ROR2: variants seen among roughly 807,000 people sequenced by gnomAD.
ROR2 encodes tyrosine-protein kinase transmembrane receptor ROR2.
ROR2 carries 33 observed loss-of-function variants against 74.9 expected under a neutral mutation model. The observed-to-expected ratio is 0.44, with a 90% confidence interval of 0.33 to 0.59. The LOEUF (loss-of-function observed/expected upper bound fraction) is 0.59, where lower values mean the gene tolerates loss of function less well. ROR2 is among the 20% of genes least tolerant of loss of function. The pLI is 0.02. For synonymous variants in ROR2, 586 were observed against 558.7 expected (o/e 1.05, Z -0.69); for missense variants, 1,216 against 1,313.8 (o/e 0.93, Z 1.15).
At position 91,725,045 on chromosome 9, in the gene ROR2, C is replaced by T; in HGVS notation, c.1449G>A (p.Arg483=). 1 of 1,614,082 alleles carries T rather than the reference C, an allele frequency of 6.2e-7. No homozygotes were observed. Among genetic ancestry groups the T allele is most frequent in the Admixed American group, 1.7e-5 (1 of 60,034 alleles). ...GGTGACCTTTGTAGACTTTCCCAAA[C>T]CGGTCCTCTCCCAGCTCCTCCATGA... ...VRFMEELGED[R]FGKVYKGHLF... The change falls in exon 9 of 9, where the codon CGG becomes CGA. Residue 483 remains arginine (R), a synonymous_variant. Transcript: ENST00000375708.
intron 1 of ROR2, among the ~76,000 whole-genome samples, chr9:91,829,922 A>C (rs1828411068): frequency 6.6e-6 from 1 of 152,234 alleles, no homozygotes; most frequent in African/African-American, 2.4e-5. Flanking sequence ...TGAGTAAAAA[A>C]TCTACTCATT....
intron 1 of ROR2, among the ~76,000 whole-genome samples, chr9:91,882,921 A>T (rs1587817752): frequency 6.6e-6 from 1 of 152,348 alleles, no homozygotes; most frequent in East Asian, 1.9e-4. Flanking sequence ...TTGTTTCAGC[A>T]GCCCAGCCTG....
chr9:91,890,604 G>T (rs1406434920), intron 1 of ROR2, among the ~76,000 whole-genome samples: 1 of 152,152 alleles, frequency 6.6e-6, no homozygotes, highest in Non-Finnish European at 1.5e-5. Flanking sequence ...TTAACATGTG[G>T]CCACCTTGCT....
intron 1 of ROR2, among the ~76,000 whole-genome samples, chr9:91,883,042 G>C (rs1044352523): frequency 2.6e-5 from 4 of 152,182 alleles, no homozygotes; most frequent in African/African-American, 9.7e-5. Flanking sequence ...GAACATTTCA[G>C]AGTGCCAACA....
At chr9:91,833,265 C>T (rs1003416859) in intron 1 of ROR2, among the ~76,000 whole-genome samples, 8 of 152,132 alleles carry the variant, frequency 5.3e-5, no homozygotes, top group Non-Finnish European at 1.2e-4. Context: ...CGGATGCTCC[C>T]GACGCATCCA....
intron 1 of ROR2, among the ~76,000 whole-genome samples, chr9:91,909,429 C>G (rs1830896950): frequency 6.6e-6 from 1 of 152,130 alleles, no homozygotes. Context: ...GGCCTACAGC[C>G]TCAACCTCCT....
At chr9:91,890,503 C>T (rs1381983420) in intron 1 of ROR2, among the ~76,000 whole-genome samples, 1 of 152,194 alleles carries the variant, frequency 6.6e-6, no homozygotes, top group Admixed American at 6.5e-5. Context: ...TGCTGTACTC[C>T]TTATTAAACT....
rs965800377 is a variant in ROR2, at chr9:91,819,276, C to G, written c.98-43458G>C. On this transcript the variant is annotated intron_variant, in intron 1 of 8. Coordinates refer to ENST00000375708, the MANE Select transcript of ROR2 (RefSeq NM_004560.4). ...TCACTGAGCTGCTGACCCCCACCCCCAGGCTCCTAGCAGAGCTGTCGCTGC... is the reference window on the plus strand; with the variant it reads ...TCACTGAGCTGCTGACCCCCACCCCGAGGCTCCTAGCAGAGCTGTCGCTGC... Among the ~76,000 whole-genome samples, 3 of 152,242 alleles carry G rather than the reference C, an allele frequency of 2.0e-5. 1 individual carries two copies. Among genetic ancestry groups the G allele is most frequent in the Admixed American group, 1.3e-4 (2 of 15,292 alleles).
At position 91,917,255 on chromosome 9, in the gene ROR2, T is replaced by C. The variant is rs138385347; in HGVS notation, c.97+32612A>G. 4.0e-3 allele frequency among the ~76,000 whole-genome samples: 605 copies of C among 152,264 alleles called. 4 individuals carry two copies. Among genetic ancestry groups the C allele is most frequent in the African/African-American group, 0.014 (570 of 41,544 alleles). On this transcript the variant is annotated intron_variant, in intron 1 of 8. Transcript: ENST00000375708. Reference sequence around the variant, plus strand: ...TACCCCCTTACGCTGGGTCTGTAGGTTTCTTAGTTCTAAACACTTTGGCCA... The same window carrying C: ...TACCCCCTTACGCTGGGTCTGTAGGCTTCTTAGTTCTAAACACTTTGGCCA...
In ROR2 at chr9:91,756,037, A is replaced by G. The variant is rs770426583; in HGVS notation, c.494+34T>C. 7 of 1,609,296 alleles carry G rather than the reference A, an allele frequency of 4.3e-6. No homozygotes were observed. The East Asian group carries it at 1.3e-4, about 31-fold the overall frequency. ...CCTACATAACAAAAACCCTCAGAGC[A>G]GCAGAACACGGCTTGGGGAAAACAG... On this transcript the variant is annotated intron_variant, in intron 4 of 8. Transcript: ENST00000375708.
intron 4 of ROR2, among the ~76,000 whole-genome samples, chr9:91,752,944 A>G (rs969589871): frequency 6.6e-6 from 1 of 152,230 alleles, no homozygotes. Context: ...GCTGGTGAGT[A>G]TACAGGAGCC....
chr9:91,786,026 A>G (rs1826786363), intron 1 of ROR2, among the ~76,000 whole-genome samples: 1 of 152,136 alleles, frequency 6.6e-6, no homozygotes, highest in Admixed American at 6.6e-5. Flanking sequence ...CACTAAGTGA[A>G]AGAAGCCAGA....
At chr9:91,791,903 G>A (rs1327682720) in intron 1 of ROR2, among the ~76,000 whole-genome samples, 1 of 152,140 alleles carries the variant, frequency 6.6e-6, no homozygotes, top group African/African-American at 2.4e-5. Flanking sequence ...CAAAAAGTAT[G>A]TTTAACCACA....
Position 91,810,472 on chromosome 9 carries a change from G to A in ROR2, c.98-34654C>T, listed in dbSNP as rs181798784. 3.3e-5 allele frequency among the ~76,000 whole-genome samples: 5 copies of A among 152,208 alleles called. No homozygotes were observed. The East Asian group carries it at 9.7e-4, about 29-fold the overall frequency. ...CGGGCTTTACCTCCTTGTAAGACAC[G>A]ATCATCTACTTCCGCAGACAGTGCC... On this transcript the variant is annotated intron_variant, in intron 1 of 8. Coordinates refer to ENST00000375708, the MANE Select transcript of ROR2 (RefSeq NM_004560.4).
At chr9:91,797,782 C>A (rs1389516899) in intron 1 of ROR2, among the ~76,000 whole-genome samples, 1 of 53,296 alleles carries the variant, frequency 1.9e-5, no homozygotes, top group Non-Finnish European at 3.3e-5. Flanking sequence ...AGGGCTGACA[C>A]CCTGGGCTCT....
chr9:91,911,063 C>T (rs1332468555), intron 1 of ROR2, among the ~76,000 whole-genome samples: 1 of 152,236 alleles, frequency 6.6e-6, no homozygotes, highest in Non-Finnish European at 1.5e-5. Context: ...AATGATGCTT[C>T]CAAACAATAC....
intron 1 of ROR2, among the ~76,000 whole-genome samples, chr9:91,873,684 C>A (rs1317411325): frequency 1.3e-5 from 2 of 152,134 alleles, no homozygotes; most frequent in Non-Finnish European, 2.9e-5. Flanking sequence ...GCATTTGAGC[C>A]ACGGCAGATG....
intron 1 of ROR2, among the ~76,000 whole-genome samples, chr9:91,940,239 GA>G (rs1037852703): frequency 1.3e-5 from 2 of 152,076 alleles, no homozygotes; most frequent in African/African-American, 4.8e-5. Context: ...GAGATGGTGT[GA>G]AAAAAACAGT....
intron 1 of ROR2, among the ~76,000 whole-genome samples, chr9:91,944,512 C>A (rs1831961692): frequency 6.6e-6 from 1 of 152,168 alleles, no homozygotes; most frequent in African/African-American, 2.4e-5. Context: ...GCAAATTCCA[C>A]AAGCTTGCAG....
Sources: allele counts gnomAD v4.1 joint callset (sites outside exome capture counted in the v4.1 genomes callset), GRCh38; gene constraint gnomAD v4.1.1; transcripts MANE v1.5; gene names NCBI Gene and HGNC (gene_info 2026-07-23, HGNC 2026-07-21).